GAS7: variants seen among roughly 807,000 people sequenced by gnomAD.
The protein encoded by GAS7 is growth arrest-specific protein 7.
In GAS7, 28 loss-of-function variants were observed where a neutral mutation model predicts 71.1. That is an observed-to-expected ratio of 0.39 (90% CI 0.29 to 0.54). The LOEUF (loss-of-function observed/expected upper bound fraction) is 0.54. GAS7 is among the 20% of genes least tolerant of loss of function. The pLI is 0.62. For missense variants in GAS7, 436 were observed against 627.8 expected (o/e 0.69, Z 3.27); for synonymous variants, 258 against 245.8 (o/e 1.05, Z -0.46).
At chr17:9,988,777 C>T (rs1423567384) in intron 2 of GAS7, among the ~76,000 whole-genome samples, 2 of 152,010 alleles carry the variant, frequency 1.3e-5, no homozygotes, top group Non-Finnish European at 2.9e-5. Context: ...CGCCTGGTCA[C>T]GCCAAGCCCC....
intron 1 of GAS7, among the ~76,000 whole-genome samples, chr17:10,151,132 A>C (rs916259264): frequency 5.3e-5 from 8 of 152,172 alleles, no homozygotes; most frequent in Non-Finnish European, 1.2e-4. Context: ...CCTGACTTAA[A>C]AGCATATTTC....
chr17:9,940,023 C>T (rs2068544883), intron 8 of GAS7, 103 bp downstream of exon 8: 3 of 794,752 alleles, frequency 3.8e-6, no homozygotes, highest in Admixed American at 1.7e-5. Context: ...GGAGAGCTCC[C>T]CATCCAAAGT....
intron 5 of GAS7, chr17:9,958,787 G>A (rs558911616): frequency 7.3e-5 from 13 of 179,060 alleles, no homozygotes; most frequent in Non-Finnish European, 1.4e-4. Context: ...TTCTTAGGAC[G>A]CTTTCTCTTG....
At chr17:10,081,199 G>A (rs1366018412) in intron 1 of GAS7, among the ~76,000 whole-genome samples, 1 of 152,168 alleles carries the variant, frequency 6.6e-6, no homozygotes, top group Admixed American at 6.5e-5. Flanking sequence ...TTGTTGCCTA[G>A]GCTGGAGTGC....
At chr17:10,046,134 C>CT (rs987663986) in intron 1 of GAS7, among the ~76,000 whole-genome samples, 1 of 151,982 alleles carries the variant, frequency 6.6e-6, no homozygotes, top group Admixed American at 6.6e-5. Flanking sequence ...TCTGGAGATT[C>CT]TTTTTTTTAA....
intron 2 of GAS7, among the ~76,000 whole-genome samples, chr17:9,999,134 A>AC (rs2071161476): frequency 6.6e-6 from 1 of 152,212 alleles, no homozygotes; most frequent in South Asian, 2.1e-4. Context: ...CTGTTTTCTG[A>AC]GAAACTCGGC....
In GAS7 at chr17:9,940,083, A is replaced by AC. The variant is rs747260039; in HGVS notation, c.806+42dup. 140 of 1,052,492 alleles carry AC rather than the reference A, an allele frequency of 1.3e-4. 1 individual carries two copies. The East Asian group carries it at 2.6e-3, about 20-fold the overall frequency. The allele number at this position is 1,052,492 out of a possible 1,614,324, so 65.2% of individuals were successfully genotyped here. Reference sequence around the variant, plus strand: ...AGTGGCTGATTTCCCTTCCTCAGTGACCCCCCATCCTCCCCACTCCCACCT... The same window carrying AC: ...AGTGGCTGATTTCCCTTCCTCAGTGACCCCCCCATCCTCCCCACTCCCACCT... On this transcript the variant is annotated intron_variant, in intron 8 of 13. Transcript: ENST00000432992.
chr17:10,191,874 C>CAAAAAA (rs11303007), intron 1 of GAS7, among the ~76,000 whole-genome samples: 1 of 110,404 alleles, frequency 9.1e-6, no homozygotes, highest in Non-Finnish European at 1.9e-5. Context: ...GACTCCATCT[C>CAAAAAA]AAAAAAAAAA....
intron 3 of GAS7, among the ~76,000 whole-genome samples, chr17:9,971,484 G>A (rs2069960920): frequency 6.6e-6 from 1 of 152,144 alleles, no homozygotes; most frequent in South Asian, 2.1e-4. Context: ...AGGATAGCTT[G>A]AGCCTGGCAG....
At position 10,169,834 on chromosome 17, in the gene GAS7, TACTC is replaced by T. The variant is rs1174379973; in HGVS notation, c.183+28370_183+28373del. Reference sequence around the variant, plus strand: ...ATTAAGAGTCCTCTTTCCAAATGCCTACTCACTATCATTACTTGAACATATATAG... The same window carrying T: ...ATTAAGAGTCCTCTTTCCAAATGCCTACTATCATTACTTGAACATATATAG... On this transcript the variant is annotated intron_variant, in intron 1 of 13. Transcript: ENST00000432992. Among the ~76,000 whole-genome samples the T allele has an allele frequency of 6.6e-5, 10 of 152,168 alleles. No homozygotes were observed. In the East Asian group the frequency reaches 1.3e-3, roughly 20 times the overall value.
At chr17:10,013,003 C>T (rs896588273) in intron 2 of GAS7, among the ~76,000 whole-genome samples, 6 of 150,878 alleles carry the variant, frequency 4.0e-5, no homozygotes, top group East Asian at 2.0e-4. Flanking sequence ...CTCGGGAGGC[C>T]GAGGCAGGAG....
intron 1 of GAS7, among the ~76,000 whole-genome samples, chr17:10,122,605 C>G (rs909757963): frequency 1.3e-5 from 2 of 152,152 alleles, no homozygotes; most frequent in South Asian, 2.1e-4. Context: ...AGCCTACCCC[C>G]ACTTGTGGTG....
At chr17:10,071,304 C>T (rs1391370331) in intron 1 of GAS7, among the ~76,000 whole-genome samples, 1 of 152,184 alleles carries the variant, frequency 6.6e-6, no homozygotes, top group Non-Finnish European at 1.5e-5. Context: ...TCACATACTA[C>T]TCAGGGTTGT....
chr17:10,160,627 C>G (rs1254570627), intron 1 of GAS7, among the ~76,000 whole-genome samples: 14 of 152,308 alleles, frequency 9.2e-5, no homozygotes, highest in Non-Finnish European at 2.9e-5. Flanking sequence ...ACCCTTGCCA[C>G]CAGGCAGATC....
chr17:10,129,536 A>T (rs565957038), intron 1 of GAS7, among the ~76,000 whole-genome samples: 16 of 152,310 alleles, frequency 1.1e-4, no homozygotes, highest in African/African-American at 3.8e-4. Flanking sequence ...CCATCTCAAA[A>T]ACAAAACAAA....
intron 1 of GAS7, among the ~76,000 whole-genome samples, chr17:10,174,021 A>G (rs2074353963): frequency 6.6e-6 from 1 of 152,188 alleles, no homozygotes; most frequent in Non-Finnish European, 1.5e-5. Context: ...ATACTGGCTG[A>G]ACTGTTCATT....
At chr17:10,122,224 G>A (rs560554560) in intron 1 of GAS7, among the ~76,000 whole-genome samples, 1 of 152,212 alleles carries the variant, frequency 6.6e-6, no homozygotes, top group East Asian at 1.9e-4. Context: ...AACTCCTAAG[G>A]CCCCAAAACC....
intron 9 of GAS7, among the ~76,000 whole-genome samples, chr17:9,932,895 G>T (rs916183916): frequency 6.6e-6 from 1 of 152,116 alleles, no homozygotes; most frequent in African/African-American, 2.4e-5. Context: ...CTTTATGGTC[G>T]GGAGTGGTGG....
intron 11 of GAS7, 102 bp downstream of exon 11, chr17:9,925,374 T>C: frequency 8.2e-7 from 1 of 1,216,510 alleles, no homozygotes; most frequent in Admixed American, 1.8e-5. Context: ...CGCTGCAGTC[T>C]TGCAAAGGAG....
Sources: gnomAD v4.1 joint callset for allele counts (sites outside exome capture counted in the v4.1 genomes callset) on GRCh38, gnomAD v4.1.1 for gene constraint, MANE v1.5 for transcripts, NCBI Gene and HGNC (gene_info 2026-07-23, HGNC 2026-07-21) for gene names.